CD247: variants seen among roughly 807,000 people sequenced by gnomAD.
The protein encoded by CD247 is CD247 molecule.
CD247 carries 13 observed loss-of-function variants against 30.0 expected under a neutral mutation model. The ratio of observed to expected loss-of-function variants is 0.43; its 90% CI spans 0.28 to 0.69. The LOEUF is 0.69. CD247 is among the 30% of genes least tolerant of loss of function. The probability of loss-of-function intolerance (pLI) is 0.16; values close to 1 mark genes in which losing one functional copy is unlikely to be tolerated. For synonymous variants in CD247, 72 were observed against 80.0 expected (o/e 0.90, Z 0.53); for missense variants, 193 against 212.6 (o/e 0.91, Z 0.57).
intron 1 of CD247, among the ~76,000 whole-genome samples, chr1:167,475,456 G>A (rs553546665): frequency 1.3e-5 from 2 of 152,230 alleles, no homozygotes; most frequent in South Asian, 2.1e-4. Context: ...GTTAACAAGG[G>A]TAAGTTTCTC....
chr1:167,454,996 A>G (rs972326538), intron 1 of CD247, among the ~76,000 whole-genome samples: 3 of 152,196 alleles, frequency 2.0e-5, no homozygotes, highest in Non-Finnish European at 4.4e-5. Flanking sequence ...CCCAAGCCCA[A>G]GCTCCTCCCG....
intron 1 of CD247, among the ~76,000 whole-genome samples, chr1:167,459,320 T>C (rs1449178743): frequency 6.6e-6 from 1 of 151,152 alleles, no homozygotes; most frequent in Non-Finnish European, 1.5e-5. Context: ...AGAAATACAC[T>C]ACTTTCTCTG....
chr1:167,487,147 G>C (rs1245565689), intron 1 of CD247, among the ~76,000 whole-genome samples: 1 of 145,894 alleles, frequency 6.9e-6, no homozygotes, highest in African/African-American at 2.6e-5. Context: ...GGGAGGCCGA[G>C]GTGTGTGGAT....
At chr1:167,452,491 A>C (rs1345649555) in intron 1 of CD247, among the ~76,000 whole-genome samples, 2 of 152,122 alleles carry the variant, frequency 1.3e-5, no homozygotes, top group Admixed American at 6.5e-5. Flanking sequence ...GTAAAGACAC[A>C]GGGAGAGATG....
chr1:167,433,465 G>T (rs1374467616), intron 6 of CD247, among the ~76,000 whole-genome samples: 1 of 152,218 alleles, frequency 6.6e-6, no homozygotes. Flanking sequence ...GTTCAATCAC[G>T]TGCCCGTTTA....
intron 1 of CD247, among the ~76,000 whole-genome samples, chr1:167,467,533 A>G (rs1454166915): frequency 6.6e-6 from 1 of 152,156 alleles, no homozygotes; most frequent in African/African-American, 2.4e-5. Context: ...AAAGCGCTGA[A>G]CTGTTTACGT....
chr1:167,472,487 T>G (rs1653573242), intron 1 of CD247, among the ~76,000 whole-genome samples: 1 of 152,202 alleles, frequency 6.6e-6, no homozygotes, highest in Non-Finnish European at 1.5e-5. Context: ...AAAGCAAGTC[T>G]AGCAAAATTT....
intron 1 of CD247, among the ~76,000 whole-genome samples, chr1:167,506,115 A>C (rs1365791527): frequency 3.3e-5 from 5 of 152,172 alleles, no homozygotes; most frequent in Non-Finnish European, 2.9e-5. Context: ...GTGGAACTTG[A>C]AGGTATCTAT....
rs765877580 is a variant in CD247 at position 167,439,381 on chromosome 1, G to A, written c.182C>T (p.Ala61Val). Residue 61 changes from alanine to valine, a missense_variant, in exon 3 of 8, where the codon GCC becomes GTC. Coordinates refer to ENST00000362089, the MANE Select transcript of CD247 (RefSeq NM_198053.3). ...LRVKFSRSADAPAYQQGQNQL... is the reference protein window; with the variant it reads ...LRVKFSRSADVPAYQQGQNQL... ...GTTCTGGCCCTGCTGGTACGCGGGG[G>A]CGTCTGCGCTCCTGCTGAACTGCAA... 5 of 1,614,150 alleles carry A rather than the reference G, an allele frequency of 3.1e-6. No individual in the cohort carries two copies. In the South Asian group the frequency reaches 5.5e-5, roughly 18 times the overall value.
chr1:167,433,507 C>T (rs12735267), intron 6 of CD247, among the ~76,000 whole-genome samples: 20,806 of 152,192 alleles, frequency 0.14, 1,578 homozygotes, highest in East Asian at 0.23. Context: ...AGTCACTCAA[C>T]CTCCTTGTGC....
At chr1:167,477,578 C>T (rs1653802357) in intron 1 of CD247, among the ~76,000 whole-genome samples, 1 of 152,092 alleles carries the variant, frequency 6.6e-6, no homozygotes, top group South Asian at 2.1e-4. Flanking sequence ...AGTGCAGTGG[C>T]GCTCCAGCAC....
chr1:167,439,344 G>A lies in CD247; in HGVS notation c.219C>T (p.Asn73=). 1 of 1,613,830 alleles carries A rather than the reference G, an allele frequency of 6.2e-7. No homozygotes were observed. Among genetic ancestry groups the A allele is most frequent in the Non-Finnish European group, 8.5e-7 (1 of 1,179,684 alleles). The part of the protein sequence containing the change: ...AYQQGQNQLY[N]ELNLGRREEY... ...AGGGTCTACGGCGAGGCTGACTTACGTTATAGAGCTGGTTCTGGCCCTGCT... is the reference window on the plus strand; with the variant it reads ...AGGGTCTACGGCGAGGCTGACTTACATTATAGAGCTGGTTCTGGCCCTGCT... Residue 73 remains asparagine, a splice_region_variant and synonymous_variant, in exon 3 of 8, where the codon AAC becomes AAT. Coordinates refer to ENST00000362089, the MANE Select transcript of CD247 (RefSeq NM_198053.3).
chr1:167,447,062 G>A (rs1170511987), intron 1 of CD247, among the ~76,000 whole-genome samples: 4 of 151,574 alleles, frequency 2.6e-5, no homozygotes, highest in African/African-American at 9.7e-5. Flanking sequence ...TCAGTAGTGT[G>A]TAGACTTTCT....
chr1:167,438,474 T>C (rs1651652880), intron 4 of CD247, 96 bp downstream of exon 4: 3 of 952,822 alleles, frequency 3.1e-6, no homozygotes. Flanking sequence ...GAGGGTCGAG[T>C]CTGGTTGCAG....
In CD247 at chr1:167,494,751, T is replaced by C. The variant is rs187177259; in HGVS notation, c.58+23657A>G. Among the ~76,000 whole-genome samples the C allele has an allele frequency of 1.0e-3, 152 of 152,278 alleles. 1 individual carries two copies. Among genetic ancestry groups the C allele is most frequent in the Non-Finnish European group, 7.4e-5 (5 of 68,020 alleles). ...TATAATTCCTGGATACAGATAAATG[T>C]TTATTAAAGAATGTGAAGGTCTCAT... On this transcript the variant is annotated intron_variant, in intron 1 of 7. Coordinates refer to ENST00000362089, the MANE Select transcript of CD247 (RefSeq NM_198053.3). This position sits in a 1 kb window ranked among gnomAD's most constrained non-coding sequence, Gnocchi z 7.3.
chr1:167,490,243 A>C (rs1252804375), intron 1 of CD247, among the ~76,000 whole-genome samples: 1 of 151,894 alleles, frequency 6.6e-6, no homozygotes, highest in Non-Finnish European at 1.5e-5. Flanking sequence ...AAGCTTCTCC[A>C]CCTTCCCCGT....
Position 167,431,637 on chromosome 1 carries a change from G to A in CD247, c.*44C>T. On this transcript the variant is annotated 3_prime_UTR_variant, in exon 8 of 8. Transcript: ENST00000362089. ...GCTTCATCCTGTGTCTCATAATCTGGGCGTCTGCAGGTCTGGCCTTTGAGT... is the reference window on the plus strand; with the variant it reads ...GCTTCATCCTGTGTCTCATAATCTGAGCGTCTGCAGGTCTGGCCTTTGAGT... The A allele has an allele frequency of 2.0e-6, 3 of 1,489,768 alleles. No individual in the cohort carries two copies. The highest frequency in any genetic ancestry group is 2.8e-6 in the Non-Finnish European group (3 of 1,066,272). The allele number at this position is 1,489,768 out of a possible 1,614,324, so 92.3% of individuals were successfully genotyped here.
intron 1 of CD247, among the ~76,000 whole-genome samples, chr1:167,493,868 A>T (rs1654560455): frequency 6.6e-6 from 1 of 152,202 alleles, no homozygotes; most frequent in Non-Finnish European, 1.5e-5. Context: ...AGGCTTCTTT[A>T]TCTAGAATTA....
intron 1 of CD247, among the ~76,000 whole-genome samples, chr1:167,471,230 T>C (rs931491090): frequency 3.9e-5 from 6 of 152,332 alleles, no homozygotes; most frequent in Non-Finnish European, 7.3e-5. Context: ...AAGACAAATA[T>C]ATTTTTCTGG....
Sources: gnomAD v4.1 joint callset for allele counts (sites outside exome capture counted in the v4.1 genomes callset) on GRCh38, gnomAD v4.1.1 for gene constraint, Gnocchi (gnomAD v3.1) non-coding constraint, MANE v1.5 for transcripts, NCBI Gene and HGNC (gene_info 2026-07-23, HGNC 2026-07-21) for gene names.